The following BICD1 variants were observed in gnomAD, a reference collection of about 807,000 sequenced individuals.
BICD1 encodes protein bicaudal D homolog 1.
BICD1 carries 35 observed loss-of-function variants against 92.5 expected under a neutral mutation model. That is an observed-to-expected ratio of 0.38 (90% CI 0.29 to 0.50). The LOEUF is 0.50. BICD1 is among the 20% of genes least tolerant of loss of function. BICD1 has a pLI of 0.93. For missense variants in BICD1, 950 were observed against 1,189.8 expected, an observed-to-expected ratio of 0.80 and a Z score of 2.97; for synonymous variants, 429 against 465.1, an observed-to-expected ratio of 0.92 and a Z score of 1.00.
chr12:32,365,555 T>C (rs755944811), intron 8 of BICD1, among the ~76,000 whole-genome samples: 8 of 152,250 alleles, frequency 5.3e-5, no homozygotes, highest in Non-Finnish European at 1.0e-4. Flanking sequence ...TACTCTGCTT[T>C]AGAAGAGTTT....
chr12:32,288,770 G>A (rs188036098), intron 2 of BICD1, among the ~76,000 whole-genome samples: 1 of 151,854 alleles, frequency 6.6e-6, no homozygotes, highest in East Asian at 1.9e-4. Flanking sequence ...GGAGACTGAG[G>A]CACAAGAATC....
At chr12:32,365,382 A>C (rs1253332461) in intron 8 of BICD1, among the ~76,000 whole-genome samples, 1 of 152,218 alleles carries the variant, frequency 6.6e-6, no homozygotes, top group African/African-American at 2.4e-5. Context: ...GGTTCTGATC[A>C]CCTGCTGTCT....
Position 32,337,999 on chromosome 12 carries a change from T to A in BICD1, c.2570+183T>A. On this transcript the variant is annotated intron_variant, in intron 7 of 9. Coordinates refer to ENST00000652176, the MANE Select transcript of BICD1 (RefSeq NM_001714.4). This position sits in a 1 kb window ranked among gnomAD's most constrained non-coding sequence, Gnocchi z 4.7. ...TCAAAACCTTTTTGATAATTGTGTTTATGTAGTCCTTTCTAACCCCCTGCC... is the reference window on the plus strand; with the variant it reads ...TCAAAACCTTTTTGATAATTGTGTTAATGTAGTCCTTTCTAACCCCCTGCC... 1 of 616,920 alleles carries A rather than the reference T, an allele frequency of 1.6e-6. No homozygotes were observed. The highest frequency in any genetic ancestry group is 1.8e-5 in the African/African-American group (1 of 54,384). The allele number at this position is 616,920 out of a possible 1,614,324, so 38.2% of individuals were successfully genotyped here. A position where few individuals can be genotyped will look rare whatever the true frequency, so the allele number is the denominator to read the frequency against.
chr12:32,365,367 A>G lies in BICD1; in HGVS notation c.2765-2303A>G, dbSNP rs147853562. Among the ~76,000 whole-genome samples the G allele has an allele frequency of 7.9e-3, 1,211 of 152,346 alleles. 17 individuals carry two copies. The highest frequency in any genetic ancestry group is 0.028 in the African/African-American group (1,153 of 41,582). ...CTCTAGCATTTCATTAAGGGAGTAC[A>G]CTGTGGTTCTGATCACCTGCTGTCT... is the stretch of plus-strand genomic sequence containing the variant. On this transcript the variant is annotated intron_variant, in intron 8 of 9. Coordinates refer to ENST00000652176, the MANE Select transcript of BICD1 (RefSeq NM_001714.4).
chr12:32,336,258 G>A (rs1393919690), intron 6 of BICD1, among the ~76,000 whole-genome samples: 1 of 152,126 alleles, frequency 6.6e-6, no homozygotes, highest in Non-Finnish European at 1.5e-5. Context: ...TTCAGAATGA[G>A]CTTTTTCTCC....
intron 8 of BICD1, among the ~76,000 whole-genome samples, chr12:32,345,543 G>A (rs1420559598): frequency 6.6e-6 from 1 of 151,994 alleles, no homozygotes; most frequent in Non-Finnish European, 1.5e-5. Flanking sequence ...TTACATATGT[G>A]TTAATACCAT....
rs1042782387 is a variant in BICD1, at chr12:32,167,931, C to T, written c.214-48316C>T. 2.0e-5 allele frequency among the ~76,000 whole-genome samples: 3 copies of T among 152,078 alleles called. No individual in the cohort carries two copies. The South Asian group carries it at 6.2e-4, about 32-fold the overall frequency. ...TGACTTCAGTGAAGTTTCTTAACTT[C>T]CTTGTGATTATTTTCCTCATCTTTG... On this transcript the variant is annotated intron_variant, in intron 1 of 9. Transcript: ENST00000652176.
chr12:32,342,598 A>G (rs961191810), intron 8 of BICD1, among the ~76,000 whole-genome samples: 2 of 152,132 alleles, frequency 1.3e-5, no homozygotes, highest in Non-Finnish European at 2.9e-5. Context: ...TAATTATTCT[A>G]ATAAGCAGAT....
rs5797462 is a variant in BICD1, at chr12:32,181,419, CA to C, written c.214-34815del. On this transcript the variant is annotated intron_variant, in intron 1 of 9. Transcript: ENST00000652176. ...TGGGCAACAGAGCGAGACTCTGTCT[CA>C]AAAAAAAAAAAATTTACTTTTTATT... is the stretch of plus-strand genomic sequence containing the variant. Among the ~76,000 whole-genome samples the C allele has an allele frequency of 3.3e-3, 463 of 139,092 alleles. 3 individuals are homozygous for C. The highest frequency in any genetic ancestry group is 9.5e-3 in the African/African-American group (357 of 37,558). The allele number at this position is 139,092 out of a possible 152,430, so 91.2% of individuals were successfully genotyped here.
In BICD1 at chr12:32,383,143, A is replaced by T. The variant is rs919850582; in HGVS notation, c.*5516A>T. The stretch of plus-strand genomic sequence containing the variant: ...TATTGTGTGGCCAACTCTGATTTGT[A>T]CACCGTATTATTGTTGTAATGATTC... On this transcript the variant is annotated 3_prime_UTR_variant, in exon 10 of 10. Transcript: ENST00000652176. 2 of 152,096 alleles carry T rather than the reference A, an allele frequency of 1.3e-5. No individual in the cohort carries two copies. Among genetic ancestry groups the T allele is most frequent in the African/African-American group, 2.4e-5 (1 of 41,442 alleles). 9.4% of individuals were successfully genotyped at this position (152,096 alleles called of 1,614,324 possible).
intron 1 of BICD1, among the ~76,000 whole-genome samples, chr12:32,140,582 G>C (rs1399147445): frequency 6.6e-6 from 1 of 152,160 alleles, no homozygotes; most frequent in Non-Finnish European, 1.5e-5. Flanking sequence ...CCGGGTTCAA[G>C]CAATTCGCTG....
chr12:32,224,867 A>T (rs1425002000), intron 2 of BICD1, among the ~76,000 whole-genome samples: 1 of 152,084 alleles, frequency 6.6e-6, no homozygotes, highest in African/African-American at 2.4e-5. Context: ...ACACTTGGCT[A>T]AATTTTGTAT....
intron 1 of BICD1, among the ~76,000 whole-genome samples, chr12:32,212,308 CAT>C (rs1281583673): frequency 6.6e-6 from 1 of 151,968 alleles, no homozygotes; most frequent in Non-Finnish European, 1.5e-5. Flanking sequence ...ATGATTAACA[CAT>C]AATCTTTTCT....
intron 9 of BICD1, among the ~76,000 whole-genome samples, chr12:32,376,218 G>A (rs903940303): frequency 2.0e-4 from 30 of 151,582 alleles, no homozygotes; most frequent in South Asian, 4.2e-4. Context: ...CGAATAGCTG[G>A]GACTACAGGC....
intron 2 of BICD1, among the ~76,000 whole-genome samples, chr12:32,254,763 G>C (rs1390537930): frequency 1.3e-5 from 2 of 152,092 alleles, no homozygotes; most frequent in African/African-American, 2.4e-5. Flanking sequence ...TTTCCCTCTG[G>C]TGCAATTAGA....
intron 4 of BICD1, among the ~76,000 whole-genome samples, chr12:32,318,808 C>CA (rs1948573809): frequency 6.6e-6 from 1 of 152,122 alleles, no homozygotes; most frequent in African/African-American, 2.4e-5. Context: ...GAGCTGAGAT[C>CA]GTGCCATCGC....
chr12:32,236,327 G>A (rs539637034), intron 2 of BICD1, among the ~76,000 whole-genome samples: 9 of 151,784 alleles, frequency 5.9e-5, no homozygotes, highest in Non-Finnish European at 1.3e-4. Flanking sequence ...CTGGGGAGGC[G>A]GAGGTTGCAG....
rs377261678 is a variant in BICD1, at chr12:32,305,835, A to C, written c.718A>C (p.Asn240His). Residue 240 changes from asparagine to histidine, a missense_variant, in exon 4 of 10, where the codon AAT (asparagine) becomes CAT (histidine). Physicochemically the swap from Asn to His is moderately conservative, Grantham distance 68. This residue lies in a region of BICD1 where 246 missense variants were observed against 258.4 expected (regional missense o/e 0.95). Transcript: ENST00000652176. ...QLEEALETLK[N>H]EREQKNNLRK... is the part of the protein sequence containing the mutation. ...GGAAGAAGCCCTCGAGACTTTAAAA[A>C]ATGAAAGAGAGCAAAAGAACAACCT... The C allele has an allele frequency of 3.1e-6, 5 of 1,614,122 alleles. No homozygotes were observed. In the African/African-American group the frequency reaches 5.3e-5, roughly 17 times the overall value.
chr12:32,110,228 G>T (rs187526405), intron 1 of BICD1, among the ~76,000 whole-genome samples: 3 of 152,318 alleles, frequency 2.0e-5, no homozygotes, highest in Admixed American at 2.0e-4. Context: ...AATAATGCAA[G>T]TCGGCAGTGT....
Sources: allele counts gnomAD v4.1 joint callset (sites outside exome capture counted in the v4.1 genomes callset), GRCh38; gene constraint gnomAD v4.1.1; regional missense constraint gnomAD v4.1.1; non-coding constraint Gnocchi (gnomAD v3.1); transcripts MANE v1.5; gene names NCBI Gene and HGNC (gene_info 2026-07-23, HGNC 2026-07-21).